TTLL1: variants seen among roughly 807,000 people sequenced by gnomAD.
TTLL1 encodes the protein polyglutamylase complex subunit TTLL1.
In TTLL1, 33 loss-of-function variants were observed where a neutral mutation model predicts 47.8. That is an observed-to-expected ratio of 0.69 (90% CI 0.52 to 0.92). The LOEUF (loss-of-function observed/expected upper bound fraction) is 0.92, where lower values mean the gene tolerates loss of function less well. Ranked by LOEUF, TTLL1 falls within the 40% of genes least tolerant of loss-of-function variation. The pLI, the probability that TTLL1 is intolerant of heterozygous loss-of-function variation, is 0.00. For missense variants in TTLL1, 488 were observed against 547.5 expected (o/e 0.89, Z 1.08); for synonymous variants, 225 against 214.1 (o/e 1.05, Z -0.45).
chr22:43,081,826 C>T (rs954854583), intron 1 of TTLL1, among the ~76,000 whole-genome samples: 6 of 138,046 alleles, frequency 4.3e-5, no homozygotes, highest in African/African-American at 1.1e-4. Context: ...GGATTATAGG[C>T]GTGAGCCATC....
chr22:43,061,945 G>C (rs1927413015), intron 7 of TTLL1, among the ~76,000 whole-genome samples: 1 of 152,164 alleles, frequency 6.6e-6, no homozygotes, highest in African/African-American at 2.4e-5. Flanking sequence ...TGATCTTCTA[G>C]ATGTGTGTTC....
Position 43,068,487 on chromosome 22 carries a change from C to A in TTLL1, c.426G>T (p.Lys142Asn). The A allele has an allele frequency of 6.3e-7, 1 of 1,582,036 alleles. No individual in the cohort carries two copies. The highest frequency in any genetic ancestry group is 8.7e-7 in the Non-Finnish European group (1 of 1,155,928). The change falls in exon 5 of 11, where the codon AAG becomes AAT. Residue 142 changes from lysine to asparagine, a missense_variant. Transcript: ENST00000266254. ...TAAGGAAGATGCCCTTTCCCTGGGC[C>A]TTGCCACAAGGCTTCATGATCCAGG... ...SSTWIMKPCGKAQGKGIFLIN... is the reference protein window; with the variant it reads ...SSTWIMKPCGNAQGKGIFLIN...
chr22:43,070,841 A>T (rs896672274), intron 3 of TTLL1, among the ~76,000 whole-genome samples: 2 of 151,962 alleles, frequency 1.3e-5, no homozygotes, highest in African/African-American at 4.8e-5. Context: ...ACGGTTCAAG[A>T]CTCCATGTTT....
intron 3 of TTLL1, chr22:43,070,330 G>A: frequency 1.6e-6 from 1 of 620,004 alleles, no homozygotes; most frequent in Non-Finnish European, 2.7e-6. Flanking sequence ...GCAAGTTGGG[G>A]ACGACAGAGT....
At chr22:43,085,267 C>T (rs907563113) in intron 1 of TTLL1, among the ~76,000 whole-genome samples, 7 of 152,272 alleles carry the variant, frequency 4.6e-5, no homozygotes, top group Middle Eastern at 3.4e-3. Flanking sequence ...TGAGCCACCG[C>T]GCCTGGCAAA....
chr22:43,079,243 A>G (rs71328667), intron 2 of TTLL1, among the ~76,000 whole-genome samples: 129 of 59,808 alleles, frequency 2.2e-3, no homozygotes, highest in Middle Eastern at 0.014. Context: ...CCTCACACCC[A>G]CAGACATGGG....
Position 43,048,874 on chromosome 22 carries a change from T to C in TTLL1, c.979-2301A>G, listed in dbSNP as rs560468113. ...ATCACTTGAACCCAGGAGGCAGAGGTTGGAGTGAGCCGAGGTCGTGCCACT... is the reference window on the plus strand; with the variant it reads ...ATCACTTGAACCCAGGAGGCAGAGGCTGGAGTGAGCCGAGGTCGTGCCACT... On this transcript the variant is annotated intron_variant, in intron 9 of 10. Coordinates refer to ENST00000266254, the MANE Select transcript of TTLL1 (RefSeq NM_012263.5). 4.6e-4 allele frequency among the ~76,000 whole-genome samples: 69 copies of C among 151,614 alleles called. 1 individual carries two copies. The highest frequency in any genetic ancestry group is 8.8e-4 in the Non-Finnish European group (60 of 67,914).
chr22:43,081,137 A>G (rs1334177502), intron 1 of TTLL1, among the ~76,000 whole-genome samples: 1 of 151,660 alleles, frequency 6.6e-6, no homozygotes, highest in Non-Finnish European at 1.5e-5. Context: ...GCTGGTCTCA[A>G]ACTCCCGACC....
At chr22:43,048,080 C>T (rs570945256) in intron 9 of TTLL1, among the ~76,000 whole-genome samples, 14 of 152,062 alleles carry the variant, frequency 9.2e-5, no homozygotes, top group African/African-American at 3.4e-4. Flanking sequence ...TACTTTGGGA[C>T]GCTGAGGCGG....
At chr22:43,060,900 T>C (rs924869428) in intron 7 of TTLL1, among the ~76,000 whole-genome samples, 25 of 152,110 alleles carry the variant, frequency 1.6e-4, no homozygotes, top group African/African-American at 6.0e-4. Context: ...GAATTAACCA[T>C]ATTTTAAAAG....
chr22:43,059,381 C>T lies in TTLL1; in HGVS notation c.891+3G>A. 1 of 1,609,566 alleles carries T rather than the reference C, an allele frequency of 6.2e-7. No homozygotes were observed. ...CCGGCTCCCCCGCCCGCACCAAACT[C>T]ACCGCCACAGCCTTCAGGGACTGCA... On this transcript the variant is annotated splice_donor_region_variant and intron_variant, in intron 8 of 10. Coordinates refer to ENST00000266254, the MANE Select transcript of TTLL1 (RefSeq NM_012263.5).
chr22:43,046,857 G>A (rs371869702), intron 9 of TTLL1, among the ~76,000 whole-genome samples: 7 of 152,072 alleles, frequency 4.6e-5, no homozygotes, highest in African/African-American at 1.7e-4. Flanking sequence ...TTTTATTAGA[G>A]ATGGGGTTTC....
chr22:43,053,092 A>AC (rs61051891), intron 8 of TTLL1, among the ~76,000 whole-genome samples: 2 of 149,904 alleles, frequency 1.3e-5, no homozygotes, highest in Non-Finnish European at 3.0e-5. Context: ...AAAACACAAA[A>AC]CCCCCCAAAC....
At chr22:43,077,473 C>A (rs1294046147) in intron 2 of TTLL1, among the ~76,000 whole-genome samples, 1 of 152,188 alleles carries the variant, frequency 6.6e-6, no homozygotes, top group Non-Finnish European at 1.5e-5. Context: ...TCTGCTGTCC[C>A]TGCTGGGGGC....
intron 2 of TTLL1, among the ~76,000 whole-genome samples, chr22:43,078,261 T>G (rs931499127): frequency 7.2e-5 from 11 of 151,810 alleles, no homozygotes; most frequent in Non-Finnish European, 1.5e-4. Flanking sequence ...TTTGGGAGGC[T>G]GAGGTGGGCG....
chr22:43,041,865 C>T (rs1925709571), intron 10 of TTLL1, among the ~76,000 whole-genome samples: 2 of 152,150 alleles, frequency 1.3e-5, no homozygotes, highest in Admixed American at 6.6e-5. Flanking sequence ...GATCCAGGCT[C>T]TGCACCAGGG....
At chr22:43,065,262 G>A (rs539584907) in intron 5 of TTLL1, among the ~76,000 whole-genome samples, 1 of 152,118 alleles carries the variant, frequency 6.6e-6, no homozygotes, top group African/African-American at 2.4e-5. Context: ...GGGTGATGAT[G>A]GGCTGGTGTC....
intron 3 of TTLL1, among the ~76,000 whole-genome samples, chr22:43,073,964 G>C (rs1428390771): frequency 1.3e-5 from 2 of 151,800 alleles, no homozygotes; most frequent in African/African-American, 4.8e-5. Context: ...TGGGATTACA[G>C]GCAGGCACCA....
intron 3 of TTLL1, among the ~76,000 whole-genome samples, chr22:43,074,242 C>CA (rs1244828240): frequency 6.6e-6 from 1 of 151,346 alleles, no homozygotes; most frequent in African/African-American, 2.4e-5. Flanking sequence ...GCCTGACCAA[C>CA]ATGGAGAAAC....
Sources: allele counts gnomAD v4.1 joint callset (sites outside exome capture counted in the v4.1 genomes callset), GRCh38; gene constraint gnomAD v4.1.1; transcripts MANE v1.5; gene names NCBI Gene and HGNC (gene_info 2026-07-23, HGNC 2026-07-21).